Variants in DHRS7C observed in about 807,000 individuals in gnomAD.
The protein encoded by DHRS7C is dehydrogenase/reductase 7C.
In DHRS7C, 28 loss-of-function variants were observed where a neutral mutation model predicts 29.6. The ratio of observed to expected loss-of-function variants is 0.95; its 90% confidence interval spans 0.70 to 1.30. DHRS7C has a LOEUF of 1.30. DHRS7C is among the 50% of genes most tolerant of loss of function. DHRS7C has a pLI of 0.00. For synonymous variants in DHRS7C, 158 were observed against 160.2 expected (o/e 0.99, Z 0.10); for missense variants, 403 against 393.3 (o/e 1.02, Z -0.21).
intron 1 of DHRS7C, among the ~76,000 whole-genome samples, chr17:9,783,357 A>G (rs1313761994): frequency 1.3e-5 from 2 of 152,210 alleles, no homozygotes; most frequent in Non-Finnish European, 2.9e-5. Context: ...GACAAAATTC[A>G]ATAAAGATGT....
Position 9,772,903 on chromosome 17 carries a change from T to TGCGTGCTTGGAGGCA in DHRS7C, c.576_590dup (p.Ser194_Ala198dup), listed in dbSNP as rs1385812281. Reference sequence around the variant, plus strand: ...GGAGGCAGTCAAAGAAGCCCAGGGCTGCGTGCTTGGAGGCAGCGTCTGCGA... The same window carrying TGCGTGCTTGGAGGCA: ...GGAGGCAGTCAAAGAAGCCCAGGGCTGCGTGCTTGGAGGCAGCGTGCTTGGAGGCAGCGTCTGCGA... On this transcript the variant is annotated inframe_insertion, in exon 5 of 6. Transcript: ENST00000571134. 1 of 1,613,756 alleles carries TGCGTGCTTGGAGGCA rather than the reference T, an allele frequency of 6.2e-7. No individual in the cohort carries two copies.
intron 1 of DHRS7C, among the ~76,000 whole-genome samples, chr17:9,785,779 G>A (rs2066419936): frequency 6.6e-6 from 1 of 152,292 alleles, no homozygotes; most frequent in South Asian, 2.1e-4. Context: ...TTATAGCACT[G>A]TCAGTTGGGT....
At chr17:9,788,316 C>T (rs1181463060) in intron 1 of DHRS7C, among the ~76,000 whole-genome samples, 1 of 152,212 alleles carries the variant, frequency 6.6e-6, no homozygotes, top group African/African-American at 2.4e-5. Context: ...AAGCAATCCT[C>T]CTGCCTCAGC....
intron 3 of DHRS7C, 55 bp downstream of exon 3, chr17:9,779,770 G>T: frequency 1.3e-6 from 2 of 1,531,812 alleles, no homozygotes; most frequent in Non-Finnish European, 1.8e-6. Flanking sequence ...ATTAACAGAG[G>T]CCTCTGTAGA....
At chr17:9,784,361 A>G (rs2066410737) in intron 1 of DHRS7C, among the ~76,000 whole-genome samples, 1 of 151,986 alleles carries the variant, frequency 6.6e-6, no homozygotes, top group Admixed American at 6.6e-5. Flanking sequence ...AGTCCCAGCT[A>G]CTTGTGAGGC....
intron 5 of DHRS7C, 50 bp from the exon 6 acceptor site, chr17:9,771,746 G>A: frequency 1.5e-6 from 2 of 1,350,280 alleles, no homozygotes; most frequent in Non-Finnish European, 1.9e-6. Flanking sequence ...TGGGGACCCG[G>A]CTGGTCAGAG....
chr17:9,779,820 G>A lies in DHRS7C; in HGVS notation c.478+5C>T, dbSNP rs777488907. On this transcript the variant is annotated splice_donor_5th_base_variant and intron_variant, in intron 3 of 5. Coordinates refer to ENST00000571134, the MANE Select transcript of DHRS7C (RefSeq NM_001105571.3). ...ATACCCATGGGAAAGTCAAACTCAC[G>A]AGACCTTTCGTCAATGTGATGGGGC... 13 of 1,609,622 alleles carry A rather than the reference G, an allele frequency of 8.1e-6. No individual in the cohort carries two copies. The highest frequency in any genetic ancestry group is 4.0e-5 in the African/African-American group (3 of 74,856).
At chr17:9,789,254 T>C (rs2066441351) in intron 1 of DHRS7C, among the ~76,000 whole-genome samples, 2 of 152,160 alleles carry the variant, frequency 1.3e-5, no homozygotes, top group Non-Finnish European at 2.9e-5. Flanking sequence ...CATATCGAGA[T>C]AGGTCATAAG....
intron 5 of DHRS7C, 39 bp downstream of exon 5, chr17:9,772,728 G>C (rs1213083408): frequency 6.2e-7 from 1 of 1,608,850 alleles, no homozygotes; most frequent in Admixed American, 1.7e-5. Flanking sequence ...GACTGTTCCC[G>C]AGGCCCCCAG....
At position 9,775,053 on chromosome 17, in the gene DHRS7C, G is replaced by A. The variant is rs1258692098; in HGVS notation, c.572-2131C>T. On this transcript the variant is annotated intron_variant, in intron 4 of 5. Transcript: ENST00000571134. The surrounding 1 kb of genome is among the most constrained non-coding windows in gnomAD (Gnocchi z 4.2). Reference sequence around the variant, plus strand: ...AAACTCGTGCATTTGTCCTATACGGGTCAGTGGCCAAAGCGCCCATTGTCA... The same window carrying A: ...AAACTCGTGCATTTGTCCTATACGGATCAGTGGCCAAAGCGCCCATTGTCA... Among the ~76,000 whole-genome samples the A allele has an allele frequency of 6.6e-6, 1 of 152,158 alleles. No homozygotes were observed. The highest frequency in any genetic ancestry group is 1.5e-5 in the Non-Finnish European group (1 of 68,024).
At chr17:9,785,530 C>T (rs1490552011) in intron 1 of DHRS7C, among the ~76,000 whole-genome samples, 1 of 152,098 alleles carries the variant, frequency 6.6e-6, no homozygotes, top group East Asian at 1.9e-4. Flanking sequence ...TGAAGACTGC[C>T]CAAGAGGACC....
At chr17:9,780,680 A>G (rs902543901) in intron 2 of DHRS7C, among the ~76,000 whole-genome samples, 2 of 152,146 alleles carry the variant, frequency 1.3e-5, no homozygotes, top group African/African-American at 4.8e-5. Flanking sequence ...CCTTGAAGAG[A>G]GGGTTCCGTA....
chr17:9,782,933 C>T (rs1380307627), intron 1 of DHRS7C: 3 of 152,302 alleles, frequency 2.0e-5, no homozygotes, highest in Non-Finnish European at 4.4e-5. Context: ...AAGAAGCCTG[C>T]TGCAGGTGGA....
At chr17:9,779,005 G>A (rs892596082) in intron 3 of DHRS7C, among the ~76,000 whole-genome samples, 4 of 152,092 alleles carry the variant, frequency 2.6e-5, no homozygotes, top group African/African-American at 9.7e-5. Flanking sequence ...AGCCTCCCAG[G>A]TTCAGAAGAT....
At chr17:9,778,090 A>G (rs2066372340) in intron 3 of DHRS7C, among the ~76,000 whole-genome samples, 1 of 152,132 alleles carries the variant, frequency 6.6e-6, no homozygotes, top group Admixed American at 6.5e-5. Flanking sequence ...CAGCACCTCC[A>G]TGTTAAAATG....
intron 4 of DHRS7C, among the ~76,000 whole-genome samples, chr17:9,773,129 C>A (rs925786810): frequency 1.3e-5 from 2 of 152,146 alleles, no homozygotes; most frequent in African/African-American, 4.8e-5. Flanking sequence ...TGCAGCTTAG[C>A]CACTTGCTGG....
chr17:9,780,812 A>T (rs1303275378), intron 2 of DHRS7C, among the ~76,000 whole-genome samples: 1 of 152,216 alleles, frequency 6.6e-6, no homozygotes, highest in Non-Finnish European at 1.5e-5. Flanking sequence ...AGCTTAGCTT[A>T]ACTCAGTGTT....
intron 2 of DHRS7C, among the ~76,000 whole-genome samples, chr17:9,781,169 T>A (rs2152016999): frequency 6.6e-6 from 1 of 152,156 alleles, no homozygotes; most frequent in South Asian, 2.1e-4. Flanking sequence ...TAAAAAAAAA[T>A]GACTGTGTTT....
At chr17:9,782,025 G>T (rs1201990429) in intron 1 of DHRS7C, among the ~76,000 whole-genome samples, 2 of 152,138 alleles carry the variant, frequency 1.3e-5, no homozygotes, top group African/African-American at 2.4e-5. Flanking sequence ...CTCAGCCAGG[G>T]TTCTTTTTAT....
Sources: allele counts gnomAD v4.1 joint callset (sites outside exome capture counted in the v4.1 genomes callset), GRCh38; gene constraint gnomAD v4.1.1; non-coding constraint Gnocchi (gnomAD v3.1); transcripts MANE v1.5; gene names NCBI Gene and HGNC (gene_info 2026-07-23, HGNC 2026-07-21).